The following FAM171B variants were observed in gnomAD, a reference collection of about 807,000 sequenced individuals.
The protein encoded by FAM171B is protein FAM171B.
Under a neutral mutation model 75.6 loss-of-function variants are expected in FAM171B, and 19 were observed. That is an observed-to-expected ratio of 0.25 (90% CI 0.18 to 0.37). The LOEUF (loss-of-function observed/expected upper bound fraction) is 0.37. Among genes scored for constraint, FAM171B ranks in the 10% least tolerant of loss-of-function variants. The pLI, the probability that FAM171B is intolerant of heterozygous loss-of-function variation, is 1.00. For missense variants in FAM171B, 848 were observed against 982.4 expected (o/e 0.86, Z 1.83); for synonymous variants, 367 against 361.7 (o/e 1.01, Z -0.17).
At chr2:186,731,231 C>T (rs1195042389) in intron 1 of FAM171B, among the ~76,000 whole-genome samples, 1 of 152,106 alleles carries the variant, frequency 6.6e-6, no homozygotes, top group Non-Finnish European at 1.5e-5. Flanking sequence ...GAGCAAGCAA[C>T]AGAAACAAAC....
chr2:186,711,755 C>A (rs1689812196), intron 1 of FAM171B, among the ~76,000 whole-genome samples: 1 of 152,156 alleles, frequency 6.6e-6, no homozygotes, highest in Admixed American at 6.6e-5. Flanking sequence ...TAACTTCAAG[C>A]AAATTTTAAA....
At chr2:186,725,798 G>C (rs1338983945) in intron 1 of FAM171B, among the ~76,000 whole-genome samples, 1 of 152,194 alleles carries the variant, frequency 6.6e-6, no homozygotes, top group Non-Finnish European at 1.5e-5. Context: ...AAGTGTCTGA[G>C]TGAGTGAATA....
chr2:186,753,823 A>C lies in FAM171B; in HGVS notation c.896-110A>C, dbSNP rs1690492202. 8.2e-6 allele frequency: 6 copies of C among 735,048 alleles called. No homozygotes were observed. In the East Asian group the frequency reaches 1.3e-4, roughly 16 times the overall value. The allele number at this position is 735,048 out of a possible 1,614,324, so 45.5% of individuals were successfully genotyped here. A position where few individuals can be genotyped will look rare whatever the true frequency, so the allele number is the denominator to read the frequency against. ...GTGATATATATTAGCCTATGATTAT[A>C]TATTGCCACAGTTTTCATAATCTTT... is the stretch of plus-strand genomic sequence containing the variant. On this transcript the variant is annotated intron_variant, in intron 5 of 7. Coordinates refer to ENST00000304698, the MANE Select transcript of FAM171B (RefSeq NM_177454.4).
intron 1 of FAM171B, among the ~76,000 whole-genome samples, chr2:186,698,857 T>C (rs1340336256): frequency 6.6e-6 from 1 of 152,188 alleles, no homozygotes; most frequent in Non-Finnish European, 1.5e-5. Context: ...TTTTACATTT[T>C]AGTTCCCACA....
intron 1 of FAM171B, among the ~76,000 whole-genome samples, chr2:186,729,250 T>A (rs1690077764): frequency 6.6e-6 from 1 of 152,130 alleles, no homozygotes; most frequent in African/African-American, 2.4e-5. Context: ...TTAAAACGAA[T>A]AGTGATATGT....
At chr2:186,733,371 A>C (rs1690147921) in intron 1 of FAM171B, among the ~76,000 whole-genome samples, 1 of 152,196 alleles carries the variant, frequency 6.6e-6, no homozygotes, top group African/African-American at 2.4e-5. Context: ...GAGCCAGCTG[A>C]ACAGAAGATC....
intron 6 of FAM171B, among the ~76,000 whole-genome samples, chr2:186,759,123 G>A (rs1301741033): frequency 2.6e-5 from 4 of 152,130 alleles, no homozygotes; most frequent in Non-Finnish European, 4.4e-5. Context: ...TGCAGATGAC[G>A]GGATCACATC....
At chr2:186,755,238 A>G (rs942743805) in intron 6 of FAM171B, among the ~76,000 whole-genome samples, 2 of 152,076 alleles carry the variant, frequency 1.3e-5, no homozygotes, top group Non-Finnish European at 2.9e-5. Flanking sequence ...CCTTTTCAGT[A>G]TGTGTTGGCA....
intron 1 of FAM171B, among the ~76,000 whole-genome samples, chr2:186,708,531 A>G (rs1406182274): frequency 6.6e-6 from 1 of 152,230 alleles, no homozygotes; most frequent in Non-Finnish European, 1.5e-5. Context: ...AGGTGTGTAT[A>G]GCTACTGTGG....
Position 186,694,302 on chromosome 2 carries a change from A to AGCAG in FAM171B, c.129_130insGCAG (p.Gln44AlafsTer21). On this transcript the variant is annotated frameshift_variant, in exon 1 of 8. Coordinates refer to ENST00000304698, the MANE Select transcript of FAM171B (RefSeq NM_177454.4). LOFTEE classifies it high-confidence loss of function. ...GCCGCTCCGACCTCAGCCTCATCCA[A>AGCAG]CAGCAGCAGCAGCAGCAGCAACAAC... The AGCAG allele has an allele frequency of 1.3e-6, 2 of 1,565,774 alleles. No individual in the cohort carries two copies. The highest frequency in any genetic ancestry group is 1.7e-6 in the Non-Finnish European group (2 of 1,152,374).
intron 1 of FAM171B, among the ~76,000 whole-genome samples, chr2:186,706,461 A>C (rs568272776): frequency 9.3e-4 from 141 of 152,360 alleles, no homozygotes; most frequent in African/African-American, 3.4e-3. Flanking sequence ...AGTGAATGGC[A>C]GGGAGAATTT....
intron 1 of FAM171B, among the ~76,000 whole-genome samples, chr2:186,700,321 A>T (rs1839122): frequency 0.94 from 143,501 of 151,980 alleles, 68,093 homozygotes; most frequent in Middle Eastern, 1. Context: ...TCTTGACAAA[A>T]AGATATACCC....
At chr2:186,745,601 G>A (rs1690354877) in intron 3 of FAM171B, among the ~76,000 whole-genome samples, 1 of 152,188 alleles carries the variant, frequency 6.6e-6, no homozygotes, top group Non-Finnish European at 1.5e-5. Flanking sequence ...AAATCTTTCT[G>A]TAAAAAATAC....
At chr2:186,694,748 AACACACACACACACACAC>A (rs57171143) in intron 1 of FAM171B, among the ~76,000 whole-genome samples, 9 of 133,306 alleles carry the variant, frequency 6.8e-5, no homozygotes, top group South Asian at 2.7e-4. Context: ...GAATGACTGT[AACACACACACACACACAC>A]ACACACACAC....
intron 1 of FAM171B, among the ~76,000 whole-genome samples, chr2:186,725,275 C>T (rs567451844): frequency 4.0e-5 from 6 of 149,604 alleles, no homozygotes; most frequent in African/African-American, 1.2e-4. Flanking sequence ...ACCCGGGAGG[C>T]GGAGCTTGCA....
intron 1 of FAM171B, among the ~76,000 whole-genome samples, chr2:186,731,718 G>A (rs962810854): frequency 6.6e-6 from 1 of 152,198 alleles, no homozygotes; most frequent in African/African-American, 2.4e-5. Flanking sequence ...AGCAGAATGT[G>A]AGCGGCGGGT....
intron 1 of FAM171B, among the ~76,000 whole-genome samples, chr2:186,714,136 A>G (rs1388884660): frequency 6.7e-6 from 1 of 150,006 alleles, no homozygotes; most frequent in African/African-American, 2.4e-5. Context: ...TTTTTTTTTA[A>G]TACTTACCTC....
intron 1 of FAM171B, among the ~76,000 whole-genome samples, chr2:186,719,094 A>G (rs948373306): frequency 1.3e-5 from 2 of 152,324 alleles, no homozygotes; most frequent in Admixed American, 6.5e-5. Context: ...GTTAAATTAC[A>G]GGGAAAACCG....
intron 5 of FAM171B, among the ~76,000 whole-genome samples, chr2:186,753,316 T>C (rs575152672): frequency 1.9e-4 from 29 of 152,342 alleles, no homozygotes; most frequent in African/African-American, 6.5e-4. Context: ...GCCTGGCTAA[T>C]TTTTGTGTTT....
Sources: gnomAD v4.1 joint callset for allele counts (sites outside exome capture counted in the v4.1 genomes callset) on GRCh38, gnomAD v4.1.1 for gene constraint, MANE v1.5 for transcripts, NCBI Gene and HGNC (gene_info 2026-07-23, HGNC 2026-07-21) for gene names.